Variants in CCNF observed in about 807,000 individuals in gnomAD.
The protein encoded by CCNF is cyclin-F.
A neutral mutation model predicts 85.4 loss-of-function variants in CCNF; 30 were observed. That is an observed-to-expected ratio of 0.35 (90% CI 0.26 to 0.48). CCNF has a LOEUF of 0.48. Ranked by LOEUF, CCNF falls within the 20% of genes least tolerant of loss-of-function variation. CCNF has a pLI of 0.99. For missense variants in CCNF, 919 were observed against 1,010.4 expected (o/e 0.91, Z 1.23); for synonymous variants, 439 against 425.1 (o/e 1.03, Z -0.40).
intron 10 of CCNF, among the ~76,000 whole-genome samples, chr16:2,448,333 G>C (rs1202198868): frequency 6.6e-6 from 1 of 152,208 alleles, no homozygotes; most frequent in Admixed American, 6.5e-5. Flanking sequence ...CTGCCTAACA[G>C]CCTTGCTGCT....
chr16:2,448,625 G>T (rs1460767043), intron 10 of CCNF, among the ~76,000 whole-genome samples: 1 of 152,092 alleles, frequency 6.6e-6, no homozygotes, highest in Non-Finnish European at 1.5e-5. Flanking sequence ...TGTTGCCCAG[G>T]GTGGTCTCGA....
At chr16:2,430,248 G>C (rs1159436490) in intron 1 of CCNF, among the ~76,000 whole-genome samples, 1 of 152,104 alleles carries the variant, frequency 6.6e-6, no homozygotes, top group Non-Finnish European at 1.5e-5. Context: ...AGGAAGGATG[G>C]ATAGAAAGGT....
In CCNF at chr16:2,443,632, TG is replaced by T; in HGVS notation, c.778-16del. On this transcript the variant is annotated splice_polypyrimidine_tract_variant and intron_variant, in intron 8 of 16. Transcript: ENST00000397066. ...ATGGCTGCTGTCTCACGCTCATGTT[TG>T]TCTTTTCTTCCTCAGCTGTCTTTAG... 6.2e-7 allele frequency: 1 copy of T among 1,610,130 alleles called. No homozygotes were observed. The highest frequency in any genetic ancestry group is 8.5e-7 in the Non-Finnish European group (1 of 1,176,604).
intron 1 of CCNF, among the ~76,000 whole-genome samples, chr16:2,429,805 C>T (rs796648135): frequency 4.8e-4 from 73 of 152,146 alleles, no homozygotes; most frequent in African/African-American, 1.6e-3. Flanking sequence ...GGGCGGCGAT[C>T]GGGTCTCGGG....
intron 3 of CCNF, among the ~76,000 whole-genome samples, chr16:2,434,993 G>T (rs1002227551): frequency 6.6e-6 from 1 of 152,090 alleles, no homozygotes; most frequent in Admixed American, 6.5e-5. Context: ...GGTGGCTCAC[G>T]CTTGTAATCC....
chr16:2,455,271 C>T (rs1567391759), intron 15 of CCNF, 124 bp from the exon 16 acceptor site: 3 of 1,268,108 alleles, frequency 2.4e-6, no homozygotes, highest in Non-Finnish European at 3.2e-6. Flanking sequence ...TTCTTCGTAG[C>T]AGAACCTTTG....
chr16:2,438,300 G>A (rs375501461), intron 6 of CCNF, among the ~76,000 whole-genome samples, 177 bp downstream of exon 6: 15 of 152,156 alleles, frequency 9.9e-5, no homozygotes, highest in East Asian at 1.9e-4. Flanking sequence ...CACGGGCTCC[G>A]ATCCTGGCTC....
chr16:2,456,600 G>A lies in CCNF; in HGVS notation c.1941G>A (p.Gln647=), dbSNP rs1385069400. 2.5e-6 allele frequency: 4 copies of A among 1,598,756 alleles called. No individual in the cohort carries two copies. In the African/African-American group the frequency reaches 5.4e-5, roughly 22 times the overall value. ...DVTVVYLNPE[Q]HCCQESSDEE... ...CCGTGGTCTACCTGAACCCAGAACA[G>A]CATTGCTGCCAGGAATCCAGTGATG... The change falls in exon 17 of 17, where the codon CAG becomes CAA. Residue 647 remains glutamine, a synonymous_variant. Transcript: ENST00000397066. This position sits in a 1 kb window ranked among gnomAD's most constrained non-coding sequence, Gnocchi z 4.5.
intron 8 of CCNF, among the ~76,000 whole-genome samples, chr16:2,441,615 C>T (rs144374996): frequency 6.6e-6 from 1 of 151,608 alleles, no homozygotes; most frequent in Non-Finnish European, 1.5e-5. Flanking sequence ...CTCACTGCAA[C>T]CTCTGACGCC....
At chr16:2,448,669 C>T (rs2065374964) in intron 10 of CCNF, among the ~76,000 whole-genome samples, 186 bp from the exon 11 acceptor site, 1 of 152,160 alleles carries the variant, frequency 6.6e-6, no homozygotes, top group African/African-American at 2.4e-5. Context: ...GCCTGGGCCT[C>T]CCCTTTTTTA....
chr16:2,431,679 C>CAA (rs553578806), intron 2 of CCNF, among the ~76,000 whole-genome samples: 63 of 72,948 alleles, frequency 8.6e-4, no homozygotes, highest in African/African-American at 3.1e-3. Flanking sequence ...GACTCTGTCT[C>CAA]AAAAAAAAAA....
At chr16:2,439,536 T>C (rs150153245) in intron 7 of CCNF, 79 bp downstream of exon 7, 4 of 1,100,786 alleles carry the variant, frequency 3.6e-6, no homozygotes, top group Non-Finnish European at 5.4e-6. Flanking sequence ...GATGCGTTTC[T>C]GTCCACAAAA....
rs2065402984 is a variant in CCNF, at chr16:2,452,935, C to T, written c.1488-275C>T. 2 of 507,078 alleles carry T rather than the reference C, an allele frequency of 3.9e-6. No homozygotes were observed. Among genetic ancestry groups the T allele is most frequent in the African/African-American group, 3.8e-5 (2 of 52,140 alleles). 31.4% of individuals were successfully genotyped at this position (507,078 alleles called of 1,614,324 possible). ...GGACCACATGTGTTTATCCATCCCG[C>T]AGCTGGTGGACATTTTGCCTATTGT... On this transcript the variant is annotated intron_variant, in intron 13 of 16. Transcript: ENST00000397066. This position sits in a 1 kb window ranked among gnomAD's most constrained non-coding sequence, Gnocchi z 4.1.
chr16:2,432,512 G>A (rs1022213685), intron 2 of CCNF, among the ~76,000 whole-genome samples: 4 of 152,094 alleles, frequency 2.6e-5, no homozygotes, highest in Admixed American at 1.3e-4. Context: ...CTTAGGCTCC[G>A]GGTTCTACCT....
Position 2,431,173 on chromosome 16 carries a change from G to T in CCNF, c.60G>T (p.Lys20Asn). The T allele has an allele frequency of 6.2e-7, 1 of 1,614,050 alleles. No individual in the cohort carries two copies. The highest frequency in any genetic ancestry group is 8.5e-7 in the Non-Finnish European group (1 of 1,180,026). ...CCAAGTGTTTCTGTTATCCTACAAAGCGAAGAATAAGGAGGAGGCCCCGAA... is the reference window on the plus strand; with the variant it reads ...CCAAGTGTTTCTGTTATCCTACAAATCGAAGAATAAGGAGGAGGCCCCGAA... ...RCAKCFCYPT[K>N]RRIRRRPRNL... The change falls in exon 2 of 17, where the codon AAG becomes AAT. Residue 20 changes from lysine to asparagine, a missense_variant. By Grantham distance (94) the Lys-to-Asn change is moderately conservative. Coordinates refer to ENST00000397066, the MANE Select transcript of CCNF (RefSeq NM_001761.3).
At chr16:2,433,695 C>T (rs962990243) in intron 3 of CCNF, among the ~76,000 whole-genome samples, 1 of 152,202 alleles carries the variant, frequency 6.6e-6, no homozygotes, top group Non-Finnish European at 1.5e-5. Context: ...AAGCGATTCT[C>T]CTGCCTCAGC....
intron 3 of CCNF, 100 bp from the exon 4 acceptor site, chr16:2,435,703 ATTC>A: frequency 3.9e-6 from 2 of 511,110 alleles, no homozygotes; most frequent in Non-Finnish European, 7.3e-6. Context: ...ATATATATAT[ATTC>A]AATTCAGGGA....
At chr16:2,442,943 T>TATAG (rs1567386564) in intron 8 of CCNF, among the ~76,000 whole-genome samples, 1 of 63,730 alleles carries the variant, frequency 1.6e-5, no homozygotes, top group South Asian at 4.4e-4. Context: ...TTATTATATA[T>TATAG]TATTATATTA....
Position 2,445,512 on chromosome 16 carries a change from C to T in CCNF, c.984C>T (p.Ser328=), listed in dbSNP as rs769069786. ...VEVATMKDFT[S]LCLHLTVECV... ...TTGCCACCATGAAGGACTTCACAAG[C>T]CTGTGCCTGCACCTGACCGTGGAGT... Residue 328 remains serine (S), a synonymous_variant, in exon 10 of 17, where the codon AGC becomes AGT. Transcript: ENST00000397066. 6.2e-7 allele frequency: 1 copy of T among 1,614,174 alleles called. No individual in the cohort carries two copies. Among genetic ancestry groups the T allele is most frequent in the South Asian group, 1.1e-5 (1 of 91,086 alleles).
Sources: allele counts gnomAD v4.1 joint callset (sites outside exome capture counted in the v4.1 genomes callset), GRCh38; gene constraint gnomAD v4.1.1; non-coding constraint Gnocchi (gnomAD v3.1); transcripts MANE v1.5; gene names NCBI Gene and HGNC (gene_info 2026-07-23, HGNC 2026-07-21).